The following CCND3 variants were observed in gnomAD, a reference collection of about 807,000 sequenced individuals.
CCND3 encodes G1/S-specific cyclin-D3.
CCND3 carries 9 observed loss-of-function variants against 28.7 expected under a neutral mutation model. The observed-to-expected ratio is 0.31, with a 90% CI of 0.19 to 0.55. The LOEUF is 0.55. CCND3 is among the 20% of genes least tolerant of loss of function. CCND3 has a pLI of 0.93. For missense variants in CCND3, 315 were observed against 385.8 expected (o/e 0.82, Z 1.54); for synonymous variants, 164 against 163.9 (o/e 1.00, Z 0.00).
intron 1 of CCND3, among the ~76,000 whole-genome samples, chr6:42,010,423 G>C (rs984389362): frequency 3.3e-5 from 5 of 152,160 alleles, no homozygotes; most frequent in African/African-American, 7.2e-5. Context: ...GGCTGGGTTG[G>C]GGGAGGGAGT....
Position 41,936,443 on chromosome 6 carries a change from T to C in CCND3, c.711+116A>G, listed in dbSNP as rs762030113. ...GATAAAAAGCCACAAAGCCCCAAGG[T>C]TGTGAAACCAGGACTTGGGACCAGG... On this transcript the variant is annotated intron_variant, in intron 4 of 4. Coordinates refer to ENST00000372991, the MANE Select transcript of CCND3 (RefSeq NM_001760.5). The surrounding 1 kb of genome is among the most constrained non-coding windows in gnomAD (Gnocchi z 4.4). 1.6e-6 allele frequency: 2 copies of C among 1,246,442 alleles called. No homozygotes were observed. The highest frequency in any genetic ancestry group is 1.4e-5 in the South Asian group (1 of 71,460). 77.2% of individuals were successfully genotyped at this position (1,246,442 alleles called of 1,614,324 possible). A position where few individuals can be genotyped will look rare whatever the true frequency, so the allele number is the denominator to read the frequency against.
chr6:41,961,503 G>T (rs570826068), intron 1 of CCND3, among the ~76,000 whole-genome samples: 7 of 152,240 alleles, frequency 4.6e-5, no homozygotes, highest in Non-Finnish European at 8.8e-5. Flanking sequence ...GGAGGCAGAG[G>T]TTGCAGTGAG....
At chr6:42,043,637 G>A (rs557351215) in intron 1 of CCND3, among the ~76,000 whole-genome samples, 7 of 152,314 alleles carry the variant, frequency 4.6e-5, no homozygotes, top group Non-Finnish European at 8.8e-5. Flanking sequence ...AGTCGAGGCT[G>A]CAGTGAGCCG....
At chr6:41,995,184 C>G (rs186709762) in intron 1 of CCND3, among the ~76,000 whole-genome samples, 1 of 152,072 alleles carries the variant, frequency 6.6e-6, no homozygotes, top group Admixed American at 6.6e-5. Context: ...TTGTAAACAA[C>G]CTTACAGTCC....
chr6:42,034,497 G>A (rs1325536257), intron 1 of CCND3, among the ~76,000 whole-genome samples: 1 of 4,756 alleles, frequency 2.1e-4, no homozygotes, highest in Non-Finnish European at 5.2e-4. Context: ...TTTTTTTTTT[G>A]AGATGGAGTC....
intron 1 of CCND3, among the ~76,000 whole-genome samples, chr6:41,974,075 C>T (rs147421808): frequency 3.3e-5 from 5 of 152,166 alleles, no homozygotes; most frequent in Admixed American, 6.5e-5. Flanking sequence ...CCCAGCTACT[C>T]GGGAGGCTGA....
chr6:41,936,592 T>G lies in CCND3; in HGVS notation c.678A>C (p.Thr226=). ...TGCCAGTGATCCCTGCCAGCAGCTC[T>G]GTGAGCTCATCCCCGGACATGGAGC... ...GACSMSGDEL[T]ELLAGITGTE... is the part of the protein sequence containing the mutation. Residue 226 remains threonine (T), a synonymous_variant, in exon 4 of 5, where the codon ACA becomes ACC. Coordinates refer to ENST00000372991, the MANE Select transcript of CCND3 (RefSeq NM_001760.5). The surrounding 1 kb of genome is among the most constrained non-coding windows in gnomAD (Gnocchi z 4.4). 1 of 1,614,196 alleles carries G rather than the reference T, an allele frequency of 6.2e-7. No homozygotes were observed. Among genetic ancestry groups the G allele is most frequent in the Non-Finnish European group, 8.5e-7 (1 of 1,180,014 alleles).
chr6:42,046,105 C>G (rs549311130), intron 1 of CCND3, among the ~76,000 whole-genome samples: 1 of 152,342 alleles, frequency 6.6e-6, no homozygotes, highest in East Asian at 1.9e-4. Flanking sequence ...ACACACATCC[C>G]TTTCTCAAAG....
chr6:42,045,668 T>C (rs1057249900), intron 1 of CCND3, among the ~76,000 whole-genome samples: 1 of 152,262 alleles, frequency 6.6e-6, no homozygotes, highest in African/African-American at 2.4e-5. Context: ...TTTCTAGCAG[T>C]GTCTGTTGCC....
chr6:41,956,233 G>A (rs957537657), intron 1 of CCND3, among the ~76,000 whole-genome samples: 5 of 152,118 alleles, frequency 3.3e-5, no homozygotes, highest in African/African-American at 7.2e-5. Flanking sequence ...TGGAGGTTGC[G>A]GTGAGCCAAG....
At chr6:41,977,362 T>C (rs984357665) in intron 1 of CCND3, among the ~76,000 whole-genome samples, 15 of 152,036 alleles carry the variant, frequency 9.9e-5, no homozygotes, top group African/African-American at 3.6e-4. Flanking sequence ...AACAAATAAC[T>C]GTACTTTATT....
At chr6:41,967,879 T>G (rs1356861387) in intron 1 of CCND3, among the ~76,000 whole-genome samples, 1 of 152,228 alleles carries the variant, frequency 6.6e-6, no homozygotes, top group East Asian at 1.9e-4. Context: ...AAGGTGGTTA[T>G]TTATTTGCCT....
Position 41,941,730 on chromosome 6 carries a change from G to A in CCND3, c.-81C>T, listed in dbSNP as rs1043385294. 3 of 1,071,976 alleles carry A rather than the reference G, an allele frequency of 2.8e-6. No individual in the cohort carries two copies. Among genetic ancestry groups the A allele is most frequent in the African/African-American group, 1.7e-5 (1 of 60,276 alleles). The allele number at this position is 1,071,976 out of a possible 1,614,324, so 66.4% of individuals were successfully genotyped here. A position where few individuals can be genotyped will look rare whatever the true frequency, so the allele number is the denominator to read the frequency against. On this transcript the variant is annotated 5_prime_UTR_variant, in exon 1 of 5. Transcript: ENST00000372991. The surrounding 1 kb of genome is among the most constrained non-coding windows in gnomAD (Gnocchi z 6.1). ...CGACGGGCCGGAGAGCGCGGGGCGCGGGTCTGGCGCTGGCGCTGGCACTGC... is the reference window on the plus strand; with the variant it reads ...CGACGGGCCGGAGAGCGCGGGGCGCAGGTCTGGCGCTGGCGCTGGCACTGC...
At chr6:41,956,300 T>TAAAAA (rs1409366667) in intron 1 of CCND3, among the ~76,000 whole-genome samples, 1 of 151,568 alleles carries the variant, frequency 6.6e-6, no homozygotes, top group African/African-American at 2.4e-5. Context: ...TCAAAAAAAA[T>TAAAAA]AAAATAAAAT....
intron 1 of CCND3, among the ~76,000 whole-genome samples, chr6:41,964,205 TG>T (rs1761791035): frequency 6.6e-6 from 1 of 152,172 alleles, no homozygotes; most frequent in Non-Finnish European, 1.5e-5. Flanking sequence ...CAAGAGGTAT[TG>T]GGGGGTTAAG....
At chr6:42,030,765 C>G (rs954711789) in intron 1 of CCND3, among the ~76,000 whole-genome samples, 1 of 152,176 alleles carries the variant, frequency 6.6e-6, no homozygotes, top group Non-Finnish European at 1.5e-5. Context: ...CTGCCTCCGG[C>G]CACCTGTCCT....
intron 1 of CCND3, among the ~76,000 whole-genome samples, chr6:42,014,635 T>C (rs578226177): frequency 6.6e-6 from 1 of 151,768 alleles, no homozygotes; most frequent in East Asian, 2.0e-4. Flanking sequence ...AGAAATAAGA[T>C]GGGAAGGAGC....
At chr6:42,034,374 C>A (rs1327198676) in intron 1 of CCND3, among the ~76,000 whole-genome samples, 1 of 151,622 alleles carries the variant, frequency 6.6e-6, no homozygotes, top group Non-Finnish European at 1.5e-5. Flanking sequence ...TCTTGAACTC[C>A]TCACCTCAGG....
chr6:42,030,288 T>A (rs1159450030), intron 1 of CCND3: 1 of 152,208 alleles, frequency 6.6e-6, no homozygotes, highest in Non-Finnish European at 1.5e-5. Flanking sequence ...CTGCTCCTTC[T>A]CTTAAATTTT....
Sources: allele counts gnomAD v4.1 joint callset (sites outside exome capture counted in the v4.1 genomes callset), GRCh38; gene constraint gnomAD v4.1.1; non-coding constraint Gnocchi (gnomAD v3.1); transcripts MANE v1.5; gene names NCBI Gene and HGNC (gene_info 2026-07-23, HGNC 2026-07-21).